Variants in MGST1 observed in about 807,000 individuals in gnomAD.
MGST1 encodes the protein microsomal glutathione S-transferase 1.
Under a neutral mutation model 8.9 loss-of-function variants are expected in MGST1, and 5 were observed. That is an observed-to-expected ratio of 0.56 (90% confidence interval 0.29 to 1.19). The LOEUF is 1.19. Among genes scored for constraint, MGST1 ranks in the 50% most tolerant of loss-of-function variants. The pLI is 0.08. For missense variants in MGST1, 182 were observed against 187.4 expected, an observed-to-expected ratio of 0.97 and a Z score of 0.17; for synonymous variants, 54 against 67.8, an observed-to-expected ratio of 0.80 and a Z score of 1.00.
intron 4 of MGST1, among the ~76,000 whole-genome samples, chr12:16,494,153 C>T (rs1163991877): frequency 6.6e-6 from 1 of 152,108 alleles, no homozygotes; most frequent in African/African-American, 2.4e-5. Context: ...ATGTGTGCTT[C>T]TGAGAAGTAT....
intron 4 of MGST1, among the ~76,000 whole-genome samples, chr12:16,507,520 A>G (rs981211659): frequency 2.0e-5 from 3 of 152,162 alleles, no homozygotes; most frequent in Non-Finnish European, 2.9e-5. Flanking sequence ...AAGAGGAGGA[A>G]TGGATTAGTT....
intron 4 of MGST1, among the ~76,000 whole-genome samples, chr12:16,571,834 T>G (rs758574930): frequency 6.6e-6 from 1 of 152,068 alleles, no homozygotes; most frequent in African/African-American, 2.4e-5. Context: ...GTTTTCAGAC[T>G]GAACTTGTAA....
chr12:16,397,903 C>G (rs1240553286), intron 1 of MGST1, among the ~76,000 whole-genome samples: 1 of 149,874 alleles, frequency 6.7e-6, no homozygotes, highest in Non-Finnish European at 1.5e-5. Flanking sequence ...TATTTAGTTC[C>G]AAACATACAC....
At position 16,410,981 on chromosome 12, in the gene MGST1, C is replaced by T. The variant is rs189906084; in HGVS notation, n.779-26407C>T. On this transcript the variant is annotated intron_variant and non_coding_transcript_variant, in intron 1 of 1. Coordinates refer to the MGST1 transcript ENST00000359720. This position sits in a 1 kb window ranked among gnomAD's most constrained non-coding sequence, Gnocchi z 4.4. ...TTCTGACATGGAACCTTTGAATGTA[C>T]CTTTCCCTCTGCCTGCAATGCTATG... 1.6e-4 allele frequency among the ~76,000 whole-genome samples: 24 copies of T among 152,150 alleles called. No homozygotes were observed. Among genetic ancestry groups the T allele is most frequent in the African/African-American group, 5.8e-4 (24 of 41,518 alleles).
At chr12:16,402,458 A>G (rs1293437639) in intron 1 of MGST1, 1 of 1,589,490 alleles carries the variant, frequency 6.3e-7, no homozygotes, top group African/African-American at 1.3e-5. Context: ...TCTGAGAATC[A>G]CGCGATGTCC....
chr12:16,576,009 C>A lies in MGST1; in HGVS notation n.483-13519C>A, dbSNP rs975879266. Among the ~76,000 whole-genome samples, 3 of 152,126 alleles carry A rather than the reference C, an allele frequency of 2.0e-5. No homozygotes were observed. Among genetic ancestry groups the A allele is most frequent in the African/African-American group, 7.2e-5 (3 of 41,412 alleles). The stretch of plus-strand genomic sequence containing the variant: ...GAATTTGCCTCCTCTTCTCAGACCC[C>A]CAAATCTAGCCCTGCCGCTGTGTTA... On this transcript the variant is annotated intron_variant and non_coding_transcript_variant, in intron 4 of 4. Coordinates refer to the MGST1 transcript ENST00000538857. The surrounding 1 kb of genome is among the most constrained non-coding windows in gnomAD (Gnocchi z 4.1).
chr12:16,585,498 A>G lies in MGST1; in HGVS notation n.483-4030A>G, dbSNP rs1195009766. ...TCCCAAATATTATTCAAATTCACCTAATTTTACATATAATTGCAGATTAGA... is the reference window on the plus strand; with the variant it reads ...TCCCAAATATTATTCAAATTCACCTGATTTTACATATAATTGCAGATTAGA... On this transcript the variant is annotated intron_variant and non_coding_transcript_variant, in intron 4 of 4. Transcript: ENST00000538857. The surrounding 1 kb of genome is among the most constrained non-coding windows in gnomAD (Gnocchi z 4.7). 1.3e-5 allele frequency among the ~76,000 whole-genome samples: 2 copies of G among 152,176 alleles called. No homozygotes were observed. The highest frequency in any genetic ancestry group is 2.4e-5 in the African/African-American group (1 of 41,448).
At chr12:16,376,335 C>T (rs6488842) in exon 4 of MGST1, 134,587 of 459,620 alleles carry the variant, frequency 0.29, 20,078 homozygotes, top group African/African-American at 0.32. Context: ...CGGAAATTAG[C>T]TATTACTGCG....
At chr12:16,450,337 A>T (rs1941118817) in intron 4 of MGST1, among the ~76,000 whole-genome samples, 2 of 151,906 alleles carry the variant, frequency 1.3e-5, no homozygotes, top group African/African-American at 4.8e-5. Context: ...TCTGGAAAGC[A>T]TGGTGGTTCA....
Position 16,555,020 on chromosome 12 carries a change from C to T in MGST1, n.483-34508C>T, listed in dbSNP as rs148889208. Among the ~76,000 whole-genome samples, 1 of 152,170 alleles carries T rather than the reference C, an allele frequency of 6.6e-6. No homozygotes were observed. The highest frequency in any genetic ancestry group is 1.5e-5 in the Non-Finnish European group (1 of 68,030). On this transcript the variant is annotated intron_variant and non_coding_transcript_variant, in intron 4 of 4. Coordinates refer to the MGST1 transcript ENST00000538857. This position sits in a 1 kb window ranked among gnomAD's most constrained non-coding sequence, Gnocchi z 5.5. ...ACTGTAATCTTGGGCAAGTTACTTA[C>T]ATTTCCTATACTTTACTTTCCTCAT...
At chr12:16,402,287 A>C in intron 1 of MGST1, 2 of 1,591,782 alleles carry the variant, frequency 1.3e-6, no homozygotes, top group African/African-American at 2.7e-5. Flanking sequence ...ATTTGGAATA[A>C]ACAATTTCTT....
In MGST1 at chr12:16,587,496, A is replaced by C. The variant is rs1246205975; in HGVS notation, n.483-2032A>C. 6.6e-6 allele frequency among the ~76,000 whole-genome samples: 1 copy of C among 152,150 alleles called. No homozygotes were observed. The highest frequency in any genetic ancestry group is 2.4e-5 in the African/African-American group (1 of 41,436). ...TTTACTTTGCCTACTACTAGCAAAT[A>C]AACTGTGCCTCTTTTTTAAATAAAC... is the stretch of plus-strand genomic sequence containing the variant. On this transcript the variant is annotated intron_variant and non_coding_transcript_variant, in intron 4 of 4. Transcript: ENST00000538857. This position sits in a 1 kb window ranked among gnomAD's most constrained non-coding sequence, Gnocchi z 4.3.
downstream of MGST1, among the ~76,000 whole-genome samples, chr12:16,378,841 TCTC>T (rs1940420369): frequency 6.6e-6 from 1 of 151,994 alleles, no homozygotes; most frequent in Non-Finnish European, 1.5e-5. Context: ...GGTTTGTAGT[TCTC>T]CTTGAAGAGG....
Position 16,513,434 on chromosome 12 carries a change from G to A in MGST1, n.483-76094G>A, listed in dbSNP as rs1200350403. The A allele has an allele frequency of 2.3e-5, 9 of 398,066 alleles. No individual in the cohort carries two copies. Among genetic ancestry groups the A allele is most frequent in the East Asian group, 6.8e-5 (1 of 14,704 alleles). The allele number at this position is 398,066 out of a possible 1,614,324, so 24.7% of individuals were successfully genotyped here. On this transcript the variant is annotated intron_variant and non_coding_transcript_variant, in intron 4 of 4. Transcript: ENST00000538857. This position sits in a 1 kb window ranked among gnomAD's most constrained non-coding sequence, Gnocchi z 4.2. ...CAGCTGCGTCGTCTCCGGGATCGCC[G>A]CCGCCTTCCACCCGGGCTCGCCTCT...
At chr12:16,583,264 TG>T (rs1353286569) in intron 4 of MGST1, among the ~76,000 whole-genome samples, 1 of 151,508 alleles carries the variant, frequency 6.6e-6, no homozygotes, top group African/African-American at 2.4e-5. Context: ...GGGTAAGGAG[TG>T]CAAAGGAGGT....
At chr12:16,438,305 A>G (rs531928368) in exon 2 of MGST1, 2 of 152,016 alleles carry the variant, frequency 1.3e-5, no homozygotes, top group African/African-American at 2.4e-5. Flanking sequence ...GAAAAATGCA[A>G]CCCTCAGCCA....
rs2137197216 is a variant in MGST1, at chr12:16,527,995, T to C, written n.483-61533T>C. 1.3e-5 allele frequency among the ~76,000 whole-genome samples: 2 copies of C among 152,114 alleles called. 1 individual carries two copies. Among genetic ancestry groups the C allele is most frequent in the Middle Eastern group, 6.8e-3 (2 of 294 alleles). On this transcript the variant is annotated intron_variant and non_coding_transcript_variant, in intron 4 of 4. Coordinates refer to the MGST1 transcript ENST00000538857. ...CAAGTTTGCAGAGCCAGGCAATATG[T>C]GAAAATATGTTTAAATCCAGATCTG... is the stretch of plus-strand genomic sequence containing the variant.
Position 16,513,537 on chromosome 12 carries a change from A to C in MGST1, n.483-75991A>C. On this transcript the variant is annotated intron_variant and non_coding_transcript_variant, in intron 4 of 4. Coordinates refer to the MGST1 transcript ENST00000538857. The surrounding 1 kb of genome is among the most constrained non-coding windows in gnomAD (Gnocchi z 4.2). ...CAGATCCCATCCTTGGAGTCACCGA[A>C]GGCTTTAAGAGGGACACCAATAGCA... 2.1e-6 allele frequency: 1 copy of C among 486,492 alleles called. No individual in the cohort carries two copies. The highest frequency in any genetic ancestry group is 6.0e-5 in the East Asian group (1 of 16,614). 30.1% of individuals were successfully genotyped at this position (486,492 alleles called of 1,614,324 possible).
Position 16,458,139 on chromosome 12 carries a change from G to C in MGST1, n.482+74535G>C, listed in dbSNP as rs1941191240. On this transcript the variant is annotated intron_variant and non_coding_transcript_variant, in intron 4 of 4. Coordinates refer to the MGST1 transcript ENST00000538857. The surrounding 1 kb of genome is among the most constrained non-coding windows in gnomAD (Gnocchi z 4.0). ...CAAAAGCGTGAACCCGAGGGTTACTGCATATTAATACTTTGGGAATAAAGA... is the reference window on the plus strand; with the variant it reads ...CAAAAGCGTGAACCCGAGGGTTACTCCATATTAATACTTTGGGAATAAAGA... Among the ~76,000 whole-genome samples, 1 of 151,946 alleles carries C rather than the reference G, an allele frequency of 6.6e-6. No homozygotes were observed. The highest frequency in any genetic ancestry group is 1.5e-5 in the Non-Finnish European group (1 of 67,920).
Sources: gnomAD v4.1 joint callset for allele counts (sites outside exome capture counted in the v4.1 genomes callset) on GRCh38, gnomAD v4.1.1 for gene constraint, Gnocchi (gnomAD v3.1) non-coding constraint, MANE v1.5 for transcripts, NCBI Gene and HGNC (gene_info 2026-07-23, HGNC 2026-07-21) for gene names.